Variants in RABGEF1 observed in about 807,000 individuals in gnomAD.
RABGEF1 encodes the protein RAB guanine nucleotide exchange factor 1.
Under a neutral mutation model 57.3 loss-of-function variants are expected in RABGEF1, and 26 were observed. The observed-to-expected ratio is 0.45, with a 90% CI of 0.33 to 0.63. The LOEUF (loss-of-function observed/expected upper bound fraction) is 0.63. Ranked by LOEUF, RABGEF1 falls within the 20% of genes least tolerant of loss-of-function variation. RABGEF1 has a pLI of 0.02. For missense variants in RABGEF1, 464 were observed against 607.6 expected, an observed-to-expected ratio of 0.76 and a Z score of 2.48; for synonymous variants, 185 against 210.7, an observed-to-expected ratio of 0.88 and a Z score of 1.06.
intron 2 of RABGEF1, among the ~76,000 whole-genome samples, chr7:66,715,210 C>G (rs1795244052): frequency 6.6e-6 from 1 of 152,126 alleles, no homozygotes; most frequent in Non-Finnish European, 1.5e-5. Flanking sequence ...TCACTGCATC[C>G]TCAAACTCAT....
intron 4 of RABGEF1, among the ~76,000 whole-genome samples, chr7:66,785,230 G>C (rs1038413343): frequency 1.3e-5 from 2 of 152,160 alleles, no homozygotes; most frequent in Non-Finnish European, 2.9e-5. Context: ...GGCATCACTA[G>C]TTTATATCAG....
Position 66,810,774 on chromosome 7 carries a change from T to C in RABGEF1, c.*1490T>C, listed in dbSNP as rs1465106798. 2 of 152,350 alleles carry C rather than the reference T, an allele frequency of 1.3e-5. No individual in the cohort carries two copies. The highest frequency in any genetic ancestry group is 2.1e-4 in the South Asian group (1 of 4,824). The allele number at this position is 152,350 out of a possible 1,614,324, so 9.4% of individuals were successfully genotyped here. A position where few individuals can be genotyped will look rare whatever the true frequency, so the allele number is the denominator to read the frequency against. On this transcript the variant is annotated 3_prime_UTR_variant, in exon 9 of 9. Coordinates refer to ENST00000284957, the MANE Select transcript of RABGEF1 (RefSeq NM_014504.3). Reference sequence around the variant, plus strand: ...CTTCACACAGGCAGCTGAGAAAGGTTCTCTTGCTTTTCCAGTATCTTCCTA... The same window carrying C: ...CTTCACACAGGCAGCTGAGAAAGGTCCTCTTGCTTTTCCAGTATCTTCCTA...
intron 1 of RABGEF1, among the ~76,000 whole-genome samples, chr7:66,704,058 C>T (rs938137758): frequency 1.3e-5 from 2 of 152,168 alleles, no homozygotes; most frequent in Admixed American, 6.5e-5. Flanking sequence ...AGCTATTGCA[C>T]ATAGAATGGC....
intron 1 of RABGEF1, among the ~76,000 whole-genome samples, chr7:66,700,766 C>T (rs1793133293): frequency 6.6e-6 from 1 of 152,224 alleles, no homozygotes; most frequent in Non-Finnish European, 1.5e-5. Context: ...TCTTTCCATC[C>T]AGGGCCTTGG....
chr7:66,796,701 C>T (rs1053171639), intron 5 of RABGEF1: 3 of 283,980 alleles, frequency 1.1e-5, no homozygotes, highest in Non-Finnish European at 1.4e-5. Flanking sequence ...AAGTGATTCT[C>T]CTGTCTCAGC....
the RABGEF1 span, among the ~76,000 whole-genome samples, chr7:66,655,299 GGAGA>G: frequency 6.6e-6 from 1 of 152,180 alleles, no homozygotes; most frequent in Non-Finnish European, 1.5e-5. Flanking sequence ...GGCAGTTTAG[GGAGA>G]GAGAGGGAGG....
In RABGEF1 at chr7:66,746,810, G is replaced by A. The variant is rs1337166821; in HGVS notation, c.-18+6018G>A. On this transcript the variant is annotated intron_variant, in intron 1 of 8. Transcript: ENST00000284957. ...GGCTAATTTTTTTTTTTGCTGGAGT[G>A]AGACTGAGTTTCAGCCTTGTTGCCC... Among the ~76,000 whole-genome samples the A allele has an allele frequency of 1.0e-4, 15 of 149,712 alleles. No individual in the cohort carries two copies. The East Asian group carries it at 2.8e-3, about 28-fold the overall frequency.
chr7:66,677,693 G>C (rs1789374888), upstream of RABGEF1, among the ~76,000 whole-genome samples: 2 of 150,364 alleles, frequency 1.3e-5, no homozygotes, highest in Admixed American at 6.7e-5. Context: ...ACCCGGGAGG[G>C]GGAGAATGCA....
intron 1 of RABGEF1, among the ~76,000 whole-genome samples, chr7:66,692,458 C>T (rs1403948346): frequency 6.6e-6 from 1 of 152,288 alleles, no homozygotes; most frequent in Non-Finnish European, 1.5e-5. Flanking sequence ...TGGGGTGGCT[C>T]CAAGGCACAG....
At chr7:66,703,947 A>G (rs1327327299) in intron 1 of RABGEF1, among the ~76,000 whole-genome samples, 1 of 152,178 alleles carries the variant, frequency 6.6e-6, no homozygotes, top group Non-Finnish European at 1.5e-5. Flanking sequence ...CCATTTATTT[A>G]GGCTTTCTTT....
intron 1 of RABGEF1, among the ~76,000 whole-genome samples, chr7:66,764,487 G>T (rs1296391629): frequency 6.6e-6 from 1 of 152,092 alleles, no homozygotes; most frequent in African/African-American, 2.4e-5. Context: ...TCTGTCTTTT[G>T]TTGCTCCTGC....
chr7:66,782,429 A>G (rs1434583878), intron 3 of RABGEF1, among the ~76,000 whole-genome samples: 4 of 141,554 alleles, frequency 2.8e-5, no homozygotes, highest in East Asian at 2.1e-4. Context: ...ACTACCCCCT[A>G]TTTTACATAA....
At chr7:66,676,234 G>A in the RABGEF1 span, among the ~76,000 whole-genome samples, 1 of 152,100 alleles carries the variant, frequency 6.6e-6, no homozygotes, top group Non-Finnish European at 1.5e-5. Flanking sequence ...AGTGAGCCAA[G>A]ATTGTGCCAC....
chr7:66,659,080 G>A, the RABGEF1 span, among the ~76,000 whole-genome samples: 1 of 152,130 alleles, frequency 6.6e-6, no homozygotes, highest in South Asian at 2.1e-4. Flanking sequence ...GCATTGCCTT[G>A]TTACTAGGGC....
the RABGEF1 span, among the ~76,000 whole-genome samples, chr7:66,676,084 G>C: frequency 1.3e-5 from 2 of 152,194 alleles, no homozygotes; most frequent in East Asian, 3.9e-4. Flanking sequence ...ACTTTGGGAG[G>C]CCGTGGCAGA....
chr7:66,743,806 T>G (rs901812452), intron 1 of RABGEF1, among the ~76,000 whole-genome samples: 1 of 151,976 alleles, frequency 6.6e-6, no homozygotes, highest in African/African-American at 2.4e-5. Flanking sequence ...TGGGCTAAAT[T>G]TTTTTGTAGA....
the RABGEF1 span, chr7:66,665,372 G>A: frequency 6.6e-6 from 1 of 150,586 alleles, no homozygotes; most frequent in Non-Finnish European, 1.5e-5. Context: ...TCAAACTCCT[G>A]TACTCAAGCG....
At chr7:66,791,124 C>T (rs1006033863) in intron 4 of RABGEF1, among the ~76,000 whole-genome samples, 1 of 152,170 alleles carries the variant, frequency 6.6e-6, no homozygotes, top group Non-Finnish European at 1.5e-5. Flanking sequence ...AGAACATATG[C>T]GTTCCTTAGA....
At chr7:66,663,183 C>G in the RABGEF1 span, among the ~76,000 whole-genome samples, 1 of 152,208 alleles carries the variant, frequency 6.6e-6, no homozygotes, top group East Asian at 1.9e-4. Flanking sequence ...CCTTCGTTTC[C>G]CATAAGGGAT....
Sources: gnomAD v4.1 joint callset for allele counts (sites outside exome capture counted in the v4.1 genomes callset) on GRCh38, gnomAD v4.1.1 for gene constraint, MANE v1.5 for transcripts, NCBI Gene and HGNC (gene_info 2026-07-23, HGNC 2026-07-21) for gene names.